Variants in BCAS1 observed in about 807,000 individuals in gnomAD.
The protein encoded by BCAS1 is breast carcinoma-amplified sequence 1.
BCAS1 carries 46 observed loss-of-function variants against 65.4 expected under a neutral mutation model. The ratio of observed to expected loss-of-function variants is 0.70; its 90% CI spans 0.55 to 0.90. The LOEUF is 0.90. BCAS1 is among the 40% of genes least tolerant of loss of function. BCAS1 has a pLI of 0.00. For missense variants in BCAS1, 793 were observed against 771.2 expected (o/e 1.03, Z -0.33); for synonymous variants, 298 against 293.5 (o/e 1.02, Z -0.16).
intron 12 of BCAS1, among the ~76,000 whole-genome samples, chr20:53,947,150 T>C (rs1323361666): frequency 1.3e-5 from 2 of 152,200 alleles, no homozygotes; most frequent in Non-Finnish European, 2.9e-5. Context: ...TGGGTGACTT[T>C]GGTCAAATTG....
At chr20:53,971,446 T>C (rs1180356059) in intron 9 of BCAS1, among the ~76,000 whole-genome samples, 1 of 152,224 alleles carries the variant, frequency 6.6e-6, no homozygotes, top group East Asian at 1.9e-4. Context: ...AGAAGCACTG[T>C]AATTTGGGAC....
chr20:54,068,856 C>T (rs2092478053), intron 1 of BCAS1, among the ~76,000 whole-genome samples: 1 of 152,102 alleles, frequency 6.6e-6, no homozygotes, highest in Non-Finnish European at 1.5e-5. Context: ...GATGAGCCTG[C>T]AAGGTGCAAA....
chr20:54,024,498 C>T (rs914203133), intron 4 of BCAS1, among the ~76,000 whole-genome samples: 1 of 152,178 alleles, frequency 6.6e-6, no homozygotes, highest in African/African-American at 2.4e-5. Context: ...CTGAGACTCA[C>T]GTCTGGACTT....
At chr20:53,958,652 T>A (rs746169374) in intron 10 of BCAS1, among the ~76,000 whole-genome samples, 2 of 152,362 alleles carry the variant, frequency 1.3e-5, no homozygotes, top group Non-Finnish European at 1.5e-5. Context: ...CAAATTATTA[T>A]TTATGAAGGA....
chr20:54,016,368 T>G (rs2091438757), intron 4 of BCAS1, among the ~76,000 whole-genome samples: 1 of 152,260 alleles, frequency 6.6e-6, no homozygotes, highest in Admixed American at 6.5e-5. Flanking sequence ...TTGGGGTACG[T>G]GTGATAATTT....
chr20:53,975,280 C>G (rs1210569977), intron 9 of BCAS1, 109 bp downstream of exon 9: 7 of 907,140 alleles, frequency 7.7e-6, no homozygotes, highest in Non-Finnish European at 1.2e-5. Context: ...ACAAACGAAT[C>G]ACACTGGCAG....
At chr20:54,058,595 T>A in intron 2 of BCAS1, 52 bp downstream of exon 2, 1 of 909,058 alleles carries the variant, frequency 1.1e-6, no homozygotes, top group Non-Finnish European at 1.4e-6. Context: ...AGGAAGTTCT[T>A]TTTTTTTTTT....
chr20:53,966,773 CA>C, intron 10 of BCAS1, 132 bp downstream of exon 10: 1 of 793,022 alleles, frequency 1.3e-6, no homozygotes. Flanking sequence ...TCTCACTATG[CA>C]ATCCATATTC....
chr20:53,985,627 C>A, intron 7 of BCAS1, 128 bp from the exon 8 acceptor site: 1 of 839,918 alleles, frequency 1.2e-6, no homozygotes, highest in South Asian at 2.1e-5. Flanking sequence ...TTATATTTTT[C>A]TGTATTTTAA....
chr20:53,999,939 A>G (rs890334443), intron 4 of BCAS1, among the ~76,000 whole-genome samples: 3 of 152,130 alleles, frequency 2.0e-5, no homozygotes, highest in Admixed American at 2.0e-4. Flanking sequence ...CGTGTTGGCC[A>G]GGCTGGTCTT....
At chr20:54,040,645 C>T (rs952578209) in intron 3 of BCAS1, among the ~76,000 whole-genome samples, 3 of 151,150 alleles carry the variant, frequency 2.0e-5, no homozygotes, top group Non-Finnish European at 3.0e-5. Context: ...CAGCATGATA[C>T]GTCTTCACAC....
chr20:53,975,585 T>C (rs1413145379), intron 8 of BCAS1, among the ~76,000 whole-genome samples, 155 bp from the exon 9 acceptor site: 1 of 144,786 alleles, frequency 6.9e-6, no homozygotes. Context: ...AAAGGAGACT[T>C]ACAAAAATGA....
chr20:54,036,753 T>A (rs2091906443), intron 3 of BCAS1, among the ~76,000 whole-genome samples: 1 of 151,498 alleles, frequency 6.6e-6, no homozygotes, highest in African/African-American at 2.4e-5. Context: ...GTTATTAATA[T>A]AATTACCATT....
In BCAS1 at chr20:54,062,744, C is replaced by T. The variant is rs555003910; in HGVS notation, c.-5-4021G>A. On this transcript the variant is annotated intron_variant, in intron 1 of 12. Coordinates refer to ENST00000688948, the MANE Select transcript of BCAS1 (RefSeq NM_001366298.2). ...TTGCACACCCTAAGTAGCCTCTCGGCCACTTCAAGGTGAAGGGCCCTGAAA... is the reference window on the plus strand; with the variant it reads ...TTGCACACCCTAAGTAGCCTCTCGGTCACTTCAAGGTGAAGGGCCCTGAAA... 4.6e-5 allele frequency among the ~76,000 whole-genome samples: 7 copies of T among 152,310 alleles called. No homozygotes were observed. The South Asian group carries it at 1.4e-3, about 32-fold the overall frequency.
intron 2 of BCAS1, 108 bp downstream of exon 2, chr20:54,058,539 C>T: frequency 3.3e-6 from 5 of 1,510,118 alleles, no homozygotes; most frequent in Non-Finnish European, 4.4e-6. Context: ...CACACAGACA[C>T]AATCAATCAG....
In BCAS1 at chr20:54,028,516, A is replaced by G; in HGVS notation, c.599T>C (p.Leu200Pro). The G allele has an allele frequency of 6.2e-7, 1 of 1,614,102 alleles. No individual in the cohort carries two copies. Among genetic ancestry groups the G allele is most frequent in the Non-Finnish European group, 8.5e-7 (1 of 1,180,014 alleles). The part of the protein sequence containing the change: ...DSSFFDKFFK[L>P]DKGQEKVPGD... ...TGGCACCTTTTCCTGTCCCTTGTCC[A>G]GCTTGAAGAATTTGTCAAAAAAGCT... The change falls in exon 4 of 13, where the codon CTG becomes CCG. Residue 200 changes from leucine to proline, a missense_variant. Transcript: ENST00000688948.
intron 8 of BCAS1, among the ~76,000 whole-genome samples, chr20:53,983,667 T>C (rs1489531939): frequency 6.6e-6 from 1 of 152,180 alleles, no homozygotes; most frequent in Non-Finnish European, 1.5e-5. Flanking sequence ...TACCAATGAC[T>C]GGGCACGACA....
At chr20:54,033,188 C>G (rs1600939723) in intron 3 of BCAS1, among the ~76,000 whole-genome samples, 1 of 150,922 alleles carries the variant, frequency 6.6e-6, no homozygotes, top group African/African-American at 2.4e-5. Context: ...AATCCCACAT[C>G]AAAAAGTTAG....
chr20:53,985,393 G>A lies in BCAS1; in HGVS notation c.1169C>T (p.Pro390Leu), dbSNP rs1304060115. Residue 390 changes from proline (P) to leucine (L), a missense_variant, in exon 8 of 13, where the codon CCA (proline) becomes CTA (leucine). Coordinates refer to ENST00000688948, the MANE Select transcript of BCAS1 (RefSeq NM_001366298.2). Reference sequence around the variant, plus strand: ...TGTCACGGACTGTGTGTGCCCCGATGGGTTGCATCCTTTGGAATTCTTGCC... The same window carrying A: ...TGTCACGGACTGTGTGTGCCCCGATAGGTTGCATCCTTTGGAATTCTTGCC... ...GAGKNSKGCNPSGHTQSVTTP... is the reference protein window; with the variant it reads ...GAGKNSKGCNLSGHTQSVTTP... The A allele has an allele frequency of 6.2e-7, 1 of 1,614,052 alleles. No individual in the cohort carries two copies. Among genetic ancestry groups the A allele is most frequent in the South Asian group, 1.1e-5 (1 of 91,074 alleles).
Sources: gnomAD v4.1 joint callset for allele counts (sites outside exome capture counted in the v4.1 genomes callset) on GRCh38, gnomAD v4.1.1 for gene constraint, MANE v1.5 for transcripts, NCBI Gene and HGNC (gene_info 2026-07-23, HGNC 2026-07-21) for gene names.